The following KHDRBS2 variants were observed in gnomAD, a reference collection of about 807,000 sequenced individuals.
KHDRBS2 encodes KH RNA binding domain containing, signal transduction associated 2.
In KHDRBS2, 26 loss-of-function variants were observed where a neutral mutation model predicts 44.3. That is an observed-to-expected ratio of 0.59 (90% CI 0.43 to 0.81). The LOEUF (loss-of-function observed/expected upper bound fraction) is 0.81. Among genes scored for constraint, KHDRBS2 ranks in the 40% least tolerant of loss-of-function variants. The probability of loss-of-function intolerance (pLI) is 0.00; values close to 1 mark genes in which losing one functional copy is unlikely to be tolerated. For synonymous variants in KHDRBS2, 194 were observed against 151.1 expected, an observed-to-expected ratio of 1.28 and a Z score of -2.08; for missense variants, 476 against 433.1, an observed-to-expected ratio of 1.10 and a Z score of -0.88.
intron 1 of KHDRBS2, among the ~76,000 whole-genome samples, chr6:62,246,121 T>C (rs1835522392): frequency 6.9e-6 from 1 of 145,956 alleles, no homozygotes; most frequent in Non-Finnish European, 1.5e-5. Context: ...TATATATATA[T>C]ATATATATAT....
chr6:61,803,687 G>T (rs574639767), intron 6 of KHDRBS2, among the ~76,000 whole-genome samples: 2 of 152,206 alleles, frequency 1.3e-5, no homozygotes, highest in Admixed American at 6.5e-5. Context: ...TGAAGAAAAA[G>T]GTTTAACTCA....
intron 3 of KHDRBS2, among the ~76,000 whole-genome samples, chr6:62,014,937 T>C (rs1273707918): frequency 6.6e-6 from 1 of 152,138 alleles, no homozygotes; most frequent in Non-Finnish European, 1.5e-5. Context: ...TCTGCAAATA[T>C]ATTTTCCTAG....
chr6:61,545,499 C>CTGTG, the KHDRBS2 span, among the ~76,000 whole-genome samples: 1 of 71,676 alleles, frequency 1.4e-5, no homozygotes, highest in African/African-American at 6.8e-5. Context: ...TTTAGCTAAT[C>CTGTG]TCTGTGTGTG....
At chr6:62,053,411 C>A (rs1228516518) in intron 2 of KHDRBS2, among the ~76,000 whole-genome samples, 1 of 151,798 alleles carries the variant, frequency 6.6e-6, no homozygotes, top group Non-Finnish European at 1.5e-5. Context: ...ATAGCTAAGT[C>A]CTGTTGTATG....
intron 6 of KHDRBS2, among the ~76,000 whole-genome samples, chr6:61,877,007 C>A (rs961483238): frequency 2.6e-5 from 4 of 152,020 alleles, no homozygotes; most frequent in Non-Finnish European, 5.9e-5. Flanking sequence ...AGCCTTGCCA[C>A]CTGTTTTCAT....
At chr6:62,059,276 T>TATGGAAAAAGGCAGTGACAGAAACA (rs1791123504) in intron 2 of KHDRBS2, among the ~76,000 whole-genome samples, 1 of 126,798 alleles carries the variant, frequency 7.9e-6, no homozygotes, top group Non-Finnish European at 1.6e-5. Context: ...TGAAGCTGGG[T>TATGGAAAAAGGCAGTGACAGAAACA]ATGGAAAAAG....
intron 6 of KHDRBS2, among the ~76,000 whole-genome samples, chr6:61,741,960 G>T (rs1310223172): frequency 6.6e-6 from 1 of 151,758 alleles, no homozygotes; most frequent in Non-Finnish European, 1.5e-5. Flanking sequence ...AGGTCAGCAG[G>T]CATTACAATA....
In KHDRBS2 at chr6:62,102,421, AC is replaced by A. The variant is rs535579418; in HGVS notation, c.220-54428del. On this transcript the variant is annotated intron_variant, in intron 2 of 8. Transcript: ENST00000281156. ...TTCAATGGCACCCAAAACCTCAGAG[AC>A]ACCAGGGATTGCAGAGCCCCAAAGA... Among the ~76,000 whole-genome samples, 8 of 152,182 alleles carry A rather than the reference AC, an allele frequency of 5.3e-5. No homozygotes were observed. The South Asian group carries it at 1.7e-3, about 32-fold the overall frequency.
rs561704013 is a variant in KHDRBS2 at position 62,105,396 on chromosome 6, C to T, written c.220-57402G>A. ...TTAATAGGAACCAACAGTTGTGAAT[C>T]CATCTGGTCCTGGAGTCTTTTTGGT... On this transcript the variant is annotated intron_variant, in intron 2 of 8. Coordinates refer to ENST00000281156, the MANE Select transcript of KHDRBS2 (RefSeq NM_152688.4). 2.6e-5 allele frequency among the ~76,000 whole-genome samples: 4 copies of T among 152,176 alleles called. 1 individual carries two copies. The highest frequency in any genetic ancestry group is 6.3e-3 in the Middle Eastern group (2 of 316).
chr6:62,066,059 G>T (rs1793627986), intron 2 of KHDRBS2, among the ~76,000 whole-genome samples: 1 of 151,520 alleles, frequency 6.6e-6, no homozygotes, highest in South Asian at 2.1e-4. Context: ...ACACGTCTTT[G>T]CCATATTTAT....
At chr6:62,203,771 C>T (rs935142113) in intron 1 of KHDRBS2, among the ~76,000 whole-genome samples, 1 of 152,076 alleles carries the variant, frequency 6.6e-6, no homozygotes, top group Non-Finnish European at 1.5e-5. Flanking sequence ...CTATAACTAG[C>T]ATTTATTTGG....
At chr6:61,940,645 T>C (rs1291801999) in intron 4 of KHDRBS2, among the ~76,000 whole-genome samples, 1 of 152,132 alleles carries the variant, frequency 6.6e-6, no homozygotes. Context: ...CAAGGTACCA[T>C]TTTAGAGCCC....
At chr6:61,800,657 G>T (rs1047743375) in intron 6 of KHDRBS2, among the ~76,000 whole-genome samples, 2 of 152,024 alleles carry the variant, frequency 1.3e-5, no homozygotes, top group Non-Finnish European at 2.9e-5. Context: ...CAGATATGGG[G>T]TCTATTCTAC....
intron 8 of KHDRBS2, among the ~76,000 whole-genome samples, chr6:61,691,883 G>A (rs1305511240): frequency 6.6e-6 from 1 of 152,016 alleles, no homozygotes; most frequent in African/African-American, 2.4e-5. Flanking sequence ...CTAGAATATG[G>A]CACAAAATTT....
At chr6:61,545,479 G>T in the KHDRBS2 span, among the ~76,000 whole-genome samples, 1 of 146,014 alleles carries the variant, frequency 6.8e-6, no homozygotes, top group East Asian at 2.0e-4. Flanking sequence ...TAGCTCATAC[G>T]TAAAATATTT....
the KHDRBS2 span, among the ~76,000 whole-genome samples, chr6:61,588,855 G>A: frequency 1.3e-5 from 2 of 152,044 alleles, no homozygotes; most frequent in African/African-American, 2.4e-5. Context: ...AGAAAATGTG[G>A]CACATATAAA....
chr6:62,163,183 A>G (rs1223385770), intron 2 of KHDRBS2, among the ~76,000 whole-genome samples: 2 of 152,084 alleles, frequency 1.3e-5, no homozygotes, highest in Non-Finnish European at 2.9e-5. Flanking sequence ...CAGTTTTGCA[A>G]CAGGAGATAA....
intron 1 of KHDRBS2, among the ~76,000 whole-genome samples, chr6:62,267,177 T>C (rs1839343667): frequency 6.6e-6 from 1 of 152,042 alleles, no homozygotes; most frequent in African/African-American, 2.4e-5. Context: ...GAAAAGGACA[T>C]ATCTTGCAAA....
intron 2 of KHDRBS2, among the ~76,000 whole-genome samples, chr6:62,167,350 T>C (rs1329937229): frequency 6.6e-6 from 1 of 151,934 alleles, no homozygotes; most frequent in Non-Finnish European, 1.5e-5. Flanking sequence ...CAATGTGGGA[T>C]GAAAACATAA....
Sources: allele counts gnomAD v4.1 joint callset (sites outside exome capture counted in the v4.1 genomes callset), GRCh38; gene constraint gnomAD v4.1.1; transcripts MANE v1.5; gene names NCBI Gene and HGNC (gene_info 2026-07-23, HGNC 2026-07-21).